The following ZEB1 variants were observed in gnomAD, a reference collection of about 807,000 sequenced individuals.
ZEB1 encodes the protein zinc finger E-box binding homeobox 1.
ZEB1 carries 21 observed loss-of-function variants against 84.9 expected under a neutral mutation model. The observed-to-expected ratio is 0.25, with a 90% CI of 0.18 to 0.36. The LOEUF is 0.36. Among genes scored for constraint, ZEB1 ranks in the 10% least tolerant of loss-of-function variants. ZEB1 has a pLI of 1.00. For missense variants in ZEB1, 1,104 were observed against 1,330.2 expected, an observed-to-expected ratio of 0.83 and a Z score of 2.65; for synonymous variants, 420 against 471.1, an observed-to-expected ratio of 0.89 and a Z score of 1.41.
At chr10:31,389,629 G>C (rs2049256544) in intron 1 of ZEB1, 1 of 151,840 alleles carries the variant, frequency 6.6e-6, no homozygotes, top group South Asian at 2.1e-4. Flanking sequence ...AGAAATTCTA[G>C]CCTTTGGAGA....
chr10:31,461,679 TTAAG>T (rs1042675275), intron 2 of ZEB1, among the ~76,000 whole-genome samples: 6 of 152,218 alleles, frequency 3.9e-5, no homozygotes, highest in African/African-American at 1.2e-4. Flanking sequence ...TCAGAATCCT[TTAAG>T]TAAGGTGGTT....
chr10:31,342,960 T>G (rs116305514), intron 1 of ZEB1, among the ~76,000 whole-genome samples: 268 of 152,264 alleles, frequency 1.8e-3, no homozygotes, highest in African/African-American at 6.3e-3. Context: ...AGAACAAAAT[T>G]TTTGTTTGTG....
chr10:31,335,450 A>C (rs2037818178), intron 1 of ZEB1, among the ~76,000 whole-genome samples: 1 of 152,154 alleles, frequency 6.6e-6, no homozygotes, highest in South Asian at 2.1e-4. Flanking sequence ...CATCATAACC[A>C]AGTTGGGTTT....
intron 1 of ZEB1, among the ~76,000 whole-genome samples, chr10:31,440,400 C>T (rs889966094): frequency 6.6e-5 from 10 of 152,054 alleles, no homozygotes; most frequent in South Asian, 2.1e-4. Context: ...ATTGATGGGA[C>T]GTATCTCAAA....
chr10:31,320,865 G>C (rs1056691080), intron 1 of ZEB1, among the ~76,000 whole-genome samples: 7 of 152,124 alleles, frequency 4.6e-5, no homozygotes, highest in African/African-American at 1.7e-4. Flanking sequence ...AGCAGCCCCC[G>C]CCTGCGCCGC....
At chr10:31,518,576 T>C (rs1217023433) in intron 6 of ZEB1, among the ~76,000 whole-genome samples, 1 of 152,172 alleles carries the variant, frequency 6.6e-6, no homozygotes, top group Non-Finnish European at 1.5e-5. Flanking sequence ...TAATCTCATA[T>C]GACCCCTATA....
chr10:31,347,848 A>C (rs1028662493), intron 1 of ZEB1, among the ~76,000 whole-genome samples: 1 of 152,212 alleles, frequency 6.6e-6, no homozygotes, highest in East Asian at 1.9e-4. Context: ...TTTAAGCCTC[A>C]CAGTAAATTA....
chr10:31,390,472 T>C (rs1197831240), intron 1 of ZEB1, among the ~76,000 whole-genome samples: 2 of 152,226 alleles, frequency 1.3e-5, no homozygotes, highest in African/African-American at 2.4e-5. Context: ...TACATCTAAA[T>C]TATTACATTA....
intron 1 of ZEB1, among the ~76,000 whole-genome samples, chr10:31,323,400 C>T (rs1015925593): frequency 6.6e-6 from 1 of 151,982 alleles, no homozygotes; most frequent in Admixed American, 6.6e-5. Flanking sequence ...CTTATGTAGA[C>T]TTAGACTATG....
At chr10:31,387,365 C>A in intron 1 of ZEB1, 1 of 949,992 alleles carries the variant, frequency 1.1e-6, no homozygotes, top group East Asian at 1.2e-4. Flanking sequence ...TTCAGACGTT[C>A]GCACAGAAGG....
chr10:31,428,774 T>G (rs1374423556), intron 1 of ZEB1, among the ~76,000 whole-genome samples: 2 of 152,224 alleles, frequency 1.3e-5, no homozygotes, highest in African/African-American at 4.8e-5. Context: ...GATAGTTTGA[T>G]CTTGTTGAAT....
chr10:31,451,275 T>C (rs973850483), intron 1 of ZEB1, among the ~76,000 whole-genome samples: 3 of 152,240 alleles, frequency 2.0e-5, no homozygotes, highest in African/African-American at 7.2e-5. Flanking sequence ...TTCTTTATAG[T>C]TGTAGTTAAC....
At chr10:31,445,547 T>A (rs1247646544) in intron 1 of ZEB1, among the ~76,000 whole-genome samples, 1 of 152,028 alleles carries the variant, frequency 6.6e-6, no homozygotes, top group Non-Finnish European at 1.5e-5. Context: ...ATATTGGCTG[T>A]GGGTCTGTCA....
intron 1 of ZEB1, among the ~76,000 whole-genome samples, chr10:31,427,445 C>G (rs985627672): frequency 6.6e-6 from 1 of 152,094 alleles, no homozygotes; most frequent in African/African-American, 2.4e-5. Context: ...CTGGTTGATA[C>G]CAGGGCTCAA....
At chr10:31,524,977 A>G (rs550324871) in intron 8 of ZEB1, among the ~76,000 whole-genome samples, 5 of 152,226 alleles carry the variant, frequency 3.3e-5, no homozygotes, top group Non-Finnish European at 5.9e-5. Context: ...ATGGCAAACT[A>G]TAGCTCACAG....
intron 1 of ZEB1, among the ~76,000 whole-genome samples, chr10:31,420,459 A>G (rs1045838114): frequency 6.6e-6 from 1 of 152,044 alleles, no homozygotes; most frequent in African/African-American, 2.4e-5. Context: ...AGTTCACAAT[A>G]TGGCTCTTCA....
At chr10:31,426,266 A>G (rs1453786450) in intron 1 of ZEB1, among the ~76,000 whole-genome samples, 1 of 152,202 alleles carries the variant, frequency 6.6e-6, no homozygotes, top group African/African-American at 2.4e-5. Context: ...TATAAGTTGA[A>G]TACAAAGTAT....
intron 1 of ZEB1, among the ~76,000 whole-genome samples, chr10:31,372,621 A>G (rs1426270889): frequency 6.6e-6 from 1 of 152,058 alleles, no homozygotes; most frequent in Non-Finnish European, 1.5e-5. Context: ...TACTATTACA[A>G]GTAGTTGATG....
intron 1 of ZEB1, among the ~76,000 whole-genome samples, chr10:31,401,174 G>A (rs76079520): frequency 0.016 from 2,447 of 152,258 alleles, 54 homozygotes; most frequent in African/African-American, 0.056. Context: ...GGCTTATGAG[G>A]AAAATGGGGT....
Sources: allele counts gnomAD v4.1 joint callset (sites outside exome capture counted in the v4.1 genomes callset), GRCh38; gene constraint gnomAD v4.1.1; transcripts MANE v1.5; gene names NCBI Gene and HGNC (gene_info 2026-07-23, HGNC 2026-07-21).